The following TSPAN18 variants were observed in gnomAD, a reference collection of about 807,000 sequenced individuals.
The protein encoded by TSPAN18 is tetraspanin-18.
A neutral mutation model predicts 27.3 loss-of-function variants in TSPAN18; 14 were observed. That is an observed-to-expected ratio of 0.51 (90% CI 0.34 to 0.80). The LOEUF (loss-of-function observed/expected upper bound fraction) is 0.80, where lower values mean the gene tolerates loss of function less well. Ranked by LOEUF, TSPAN18 falls within the 30% of genes least tolerant of loss-of-function variation. The pLI is 0.01. For synonymous variants in TSPAN18, 143 were observed against 136.5 expected, an observed-to-expected ratio of 1.05 and a Z score of -0.33; for missense variants, 268 against 323.9, an observed-to-expected ratio of 0.83 and a Z score of 1.32.
At chr11:44,871,712 A>G (rs1196762186) in intron 3 of TSPAN18, among the ~76,000 whole-genome samples, 2 of 152,188 alleles carry the variant, frequency 1.3e-5, no homozygotes, top group Non-Finnish European at 2.9e-5. Flanking sequence ...AGTCTTGGCC[A>G]AAATGTGCCC....
At chr11:44,919,383 G>T in intron 7 of TSPAN18, 71 bp downstream of exon 7, 1 of 1,306,948 alleles carries the variant, frequency 7.7e-7, no homozygotes, top group Non-Finnish European at 1.1e-6. Context: ...CCCACGCCAG[G>T]CATCAGTAAT....
intron 3 of TSPAN18, among the ~76,000 whole-genome samples, chr11:44,893,130 GC>G (rs1351446420): frequency 6.6e-6 from 1 of 152,228 alleles, no homozygotes; most frequent in Non-Finnish European, 1.5e-5. Flanking sequence ...TTCTCTGATG[GC>G]CCTGTGGGTG....
intron 2 of TSPAN18, among the ~76,000 whole-genome samples, chr11:44,852,572 A>G (rs1857632727): frequency 6.6e-6 from 1 of 152,312 alleles, no homozygotes; most frequent in East Asian, 1.9e-4. Flanking sequence ...TCTTTGTGCA[A>G]ACATGTACAT....
chr11:44,727,356 C>T (rs1854540607), intron 1 of TSPAN18, 69 bp downstream of exon 1: 1 of 152,382 alleles, frequency 6.6e-6, no homozygotes, highest in Admixed American at 6.5e-5. Context: ...GGGGACCCCC[C>T]CGCGCGCCGC....
At chr11:44,773,949 C>A (rs999089118) in intron 2 of TSPAN18, among the ~76,000 whole-genome samples, 1 of 152,152 alleles carries the variant, frequency 6.6e-6, no homozygotes, top group Non-Finnish European at 1.5e-5. Flanking sequence ...TTGGAGCCTG[C>A]GAGGCTGCCT....
intron 2 of TSPAN18, among the ~76,000 whole-genome samples, chr11:44,831,622 G>A (rs951478020): frequency 6.6e-6 from 1 of 152,126 alleles, no homozygotes; most frequent in East Asian, 1.9e-4. Flanking sequence ...TCATTTACTC[G>A]CTCACTCACT....
At chr11:44,771,018 G>A (rs905813675) in intron 2 of TSPAN18, among the ~76,000 whole-genome samples, 2 of 152,122 alleles carry the variant, frequency 1.3e-5, no homozygotes, top group Admixed American at 6.5e-5. Flanking sequence ...ATGGAGATAT[G>A]CACCTGGGGT....
At chr11:44,804,175 C>G (rs189822451) in intron 2 of TSPAN18, among the ~76,000 whole-genome samples, 321 of 152,284 alleles carry the variant, frequency 2.1e-3, no homozygotes, top group African/African-American at 7.3e-3. Context: ...GCGATCTCAG[C>G]TCACTGCAAC....
At chr11:44,869,632 T>C (rs1858136858) in intron 3 of TSPAN18, among the ~76,000 whole-genome samples, 2 of 152,196 alleles carry the variant, frequency 1.3e-5, no homozygotes, top group South Asian at 4.1e-4. Flanking sequence ...CTCCCTTTGA[T>C]GGAACCACAG....
chr11:44,747,760 G>A (rs1469873596), intron 1 of TSPAN18, among the ~76,000 whole-genome samples: 1 of 151,828 alleles, frequency 6.6e-6, no homozygotes, highest in Non-Finnish European at 1.5e-5. Context: ...ACACTCACAC[G>A]CTACCTTCAC....
intron 3 of TSPAN18, among the ~76,000 whole-genome samples, chr11:44,897,422 A>C (rs1024394755): frequency 6.6e-6 from 1 of 152,188 alleles, no homozygotes; most frequent in Non-Finnish European, 1.5e-5. Context: ...ACTCACACCC[A>C]TCATCTCCTC....
chr11:44,763,016 C>G (rs1405957577), intron 1 of TSPAN18, among the ~76,000 whole-genome samples: 1 of 152,212 alleles, frequency 6.6e-6, no homozygotes, highest in African/African-American at 2.4e-5. Flanking sequence ...AGCCAAAGTT[C>G]TAGTCCCAGC....
At chr11:44,799,616 TTTA>T (rs1856431758) in intron 2 of TSPAN18, among the ~76,000 whole-genome samples, 1 of 152,128 alleles carries the variant, frequency 6.6e-6, no homozygotes, top group African/African-American at 2.4e-5. Flanking sequence ...CGATTGGGTG[TTTA>T]TTATGTGTCA....
intron 2 of TSPAN18, among the ~76,000 whole-genome samples, chr11:44,785,831 G>A (rs536494260): frequency 3.9e-5 from 6 of 152,318 alleles, no homozygotes; most frequent in Middle Eastern, 6.8e-3. Flanking sequence ...GGGCAGCTTC[G>A]ATGCTGGGGT....
At chr11:44,879,240 A>ATCCC (rs143514540) in intron 3 of TSPAN18, among the ~76,000 whole-genome samples, 2,230 of 152,126 alleles carry the variant, frequency 0.015, 63 homozygotes, top group African/African-American at 0.051. Flanking sequence ...ACGGAGATTT[A>ATCCC]TCCCTCCCTC....
chr11:44,893,839 C>G (rs1782910030), intron 3 of TSPAN18, among the ~76,000 whole-genome samples: 1 of 152,206 alleles, frequency 6.6e-6, no homozygotes, highest in African/African-American at 2.4e-5. Flanking sequence ...GACCCTGTCC[C>G]AGTCCTCCCC....
rs1554938151 is a variant in TSPAN18, at chr11:44,908,821, A to AAGAAAGAAAGAAAGAG, written c.64-875_64-874insGAAAGAGAGAAAGAAA. The stretch of plus-strand genomic sequence containing the variant: ...AAAGAAAGAAAGAAAGAAAGAAAGA[A>AAGAAAGAAAGAAAGAG]AGAAAGAAAAAGAAAAATGGAGCAG... On this transcript the variant is annotated intron_variant, in intron 4 of 9. Transcript: ENST00000520358. 2.6e-5 allele frequency among the ~76,000 whole-genome samples: 3 copies of AAGAAAGAAAGAAAGAG among 114,306 alleles called. 1 individual carries two copies. The highest frequency in any genetic ancestry group is 1.1e-4 in the African/African-American group (3 of 27,300). The allele number at this position is 114,306 out of a possible 152,430, so 75.0% of individuals were successfully genotyped here.
intron 3 of TSPAN18, among the ~76,000 whole-genome samples, chr11:44,879,298 T>C (rs988788844): frequency 6.6e-6 from 1 of 151,800 alleles, no homozygotes; most frequent in African/African-American, 2.4e-5. Flanking sequence ...TAAACATCCA[T>C]TGAGCACTCA....
Position 44,917,960 on chromosome 11 carries a change from C to T in TSPAN18, c.259-12C>T, listed in dbSNP as rs373104718. 10 of 1,614,020 alleles carry T rather than the reference C, an allele frequency of 6.2e-6. No individual in the cohort carries two copies. The highest frequency in any genetic ancestry group is 1.7e-5 in the Admixed American group (1 of 60,020). On this transcript the variant is annotated splice_polypyrimidine_tract_variant and intron_variant, in intron 5 of 9. Coordinates refer to ENST00000520358, the MANE Select transcript of TSPAN18 (RefSeq NM_130783.5). ...GCCCTCTGGGCTCACAAGGCTGTTC[C>T]TCTCCCTGCAGTTCTTCCTGTTCAT...
Sources: gnomAD v4.1 joint callset for allele counts (sites outside exome capture counted in the v4.1 genomes callset) on GRCh38, gnomAD v4.1.1 for gene constraint, MANE v1.5 for transcripts, NCBI Gene and HGNC (gene_info 2026-07-23, HGNC 2026-07-21) for gene names.